The following CPE variants were observed in gnomAD, a reference collection of about 807,000 sequenced individuals.
The protein encoded by CPE is carboxypeptidase E, also known as carbocypeptidase E.
CPE carries 17 observed loss-of-function variants against 53.5 expected under a neutral mutation model. That is an observed-to-expected ratio of 0.32 (90% CI 0.22 to 0.48). The LOEUF (loss-of-function observed/expected upper bound fraction) is 0.48, where lower values mean the gene tolerates loss of function less well. Ranked by LOEUF, CPE falls within the 20% of genes least tolerant of loss-of-function variation. The pLI is 0.99. For missense variants in CPE, 524 were observed against 614.7 expected (o/e 0.85, Z 1.56); for synonymous variants, 226 against 228.8 (o/e 0.99, Z 0.11).
intron 1 of CPE, chr4:165,406,113 C>A (rs1730949052): frequency 1.3e-6 from 1 of 756,728 alleles, no homozygotes; most frequent in Admixed American, 1.7e-5. Context: ...GCCCAGATTT[C>A]ATTCATAACT....
At chr4:165,470,378 A>G (rs1481287943) in intron 3 of CPE, among the ~76,000 whole-genome samples, 1 of 152,098 alleles carries the variant, frequency 6.6e-6, no homozygotes, top group African/African-American at 2.4e-5. Context: ...CTGTATTCAC[A>G]GTGTGTTTAT....
At chr4:165,456,706 G>GGGAC (rs1426030044) in intron 1 of CPE, among the ~76,000 whole-genome samples, 1 of 148,812 alleles carries the variant, frequency 6.7e-6, no homozygotes, top group Non-Finnish European at 1.5e-5. Flanking sequence ...AGGAGTAGCT[G>GGGAC]GGACTACAGG....
intron 1 of CPE, among the ~76,000 whole-genome samples, chr4:165,419,848 C>A (rs999156255): frequency 4.6e-5 from 7 of 152,200 alleles, no homozygotes; most frequent in African/African-American, 1.7e-4. Context: ...AACCAATCAA[C>A]CCAGCCTTTA....
intron 2 of CPE, among the ~76,000 whole-genome samples, chr4:165,465,240 AT>A: frequency 6.6e-6 from 1 of 152,198 alleles, no homozygotes; most frequent in African/African-American, 2.4e-5. Context: ...GTTTAAAATA[AT>A]TTTCTTAGTC....
chr4:165,436,281 G>T (rs1731500711), intron 1 of CPE, among the ~76,000 whole-genome samples: 1 of 151,816 alleles, frequency 6.6e-6, no homozygotes, highest in Non-Finnish European at 1.5e-5. Context: ...CCACTAAATT[G>T]ATTTTACTAC....
intron 1 of CPE, among the ~76,000 whole-genome samples, chr4:165,407,885 A>G (rs1328452486): frequency 2.7e-5 from 4 of 148,352 alleles, no homozygotes; most frequent in Non-Finnish European, 4.5e-5. Context: ...AAAGAGACGG[A>G]GTTCCGCTGT....
At chr4:165,480,120 T>C (rs1732377544) in intron 3 of CPE, among the ~76,000 whole-genome samples, 1 of 152,032 alleles carries the variant, frequency 6.6e-6, no homozygotes, top group South Asian at 2.1e-4. Context: ...TTAATTAAAA[T>C]AATGCAAACT....
chr4:165,382,763 A>G (rs1730523328), intron 1 of CPE, among the ~76,000 whole-genome samples: 1 of 152,184 alleles, frequency 6.6e-6, no homozygotes, highest in Non-Finnish European at 1.5e-5. Flanking sequence ...GAAAGAAGTG[A>G]TCTTTATACA....
chr4:165,479,686 AT>A (rs1230907757), intron 3 of CPE, among the ~76,000 whole-genome samples: 3 of 151,938 alleles, frequency 2.0e-5, no homozygotes, highest in African/African-American at 4.8e-5. Context: ...GTCAGAGCTA[AT>A]TTTTTTTACT....
intron 1 of CPE, among the ~76,000 whole-genome samples, chr4:165,442,261 C>G (rs1731628209): frequency 6.6e-6 from 1 of 151,954 alleles, no homozygotes; most frequent in Non-Finnish European, 1.5e-5. Flanking sequence ...CCAGGCTAGT[C>G]TTGAACTCCT....
chr4:165,387,903 T>G (rs949291124), intron 1 of CPE, among the ~76,000 whole-genome samples: 4 of 152,170 alleles, frequency 2.6e-5, no homozygotes, highest in African/African-American at 9.6e-5. Flanking sequence ...ATTACAGGCA[T>G]GAGCCACTGT....
chr4:165,484,391 G>A, intron 4 of CPE, 31 bp from the exon 5 acceptor site: 1 of 1,600,882 alleles, frequency 6.2e-7, no homozygotes, highest in Non-Finnish European at 8.5e-7. Context: ...GTCTGTGTCT[G>A]TTTCTTTAAT....
In CPE at chr4:165,456,343, C is replaced by T. The variant is rs569915949; in HGVS notation, c.308-8047C>T. On this transcript the variant is annotated intron_variant, in intron 1 of 8. Transcript: ENST00000402744. ...AAAAATTTTCCCTAGGCCCGTTTAC[C>T]GCCACTCCCCCTAAGTTGAATTCAT... Among the ~76,000 whole-genome samples, 8 of 152,116 alleles carry T rather than the reference C, an allele frequency of 5.3e-5. No individual in the cohort carries two copies. The East Asian group carries it at 1.2e-3, about 22-fold the overall frequency.
chr4:165,451,916 GC>G lies in CPE; in HGVS notation c.308-12467del, dbSNP rs368285308. On this transcript the variant is annotated intron_variant, in intron 1 of 8. Coordinates refer to ENST00000402744, the MANE Select transcript of CPE (RefSeq NM_001873.4). ...GTTTGTCTCCCCTAAGCCACGTACC[GC>G]CCCCCCAACCCCCGTTTTTTTTTTC... Among the ~76,000 whole-genome samples, 545 of 150,956 alleles carry G rather than the reference GC, an allele frequency of 3.6e-3. 8 individuals carry two copies. Among genetic ancestry groups the G allele is most frequent in the African/African-American group, 0.012 (496 of 41,084 alleles).
intron 1 of CPE, among the ~76,000 whole-genome samples, chr4:165,395,766 A>G (rs1730753449): frequency 6.6e-6 from 1 of 152,228 alleles, no homozygotes; most frequent in Admixed American, 6.5e-5. Flanking sequence ...CAACCCTCAG[A>G]GAATGCTCAC....
intron 1 of CPE, among the ~76,000 whole-genome samples, chr4:165,407,300 A>T (rs771446375): frequency 9.2e-5 from 14 of 152,004 alleles, no homozygotes; most frequent in Non-Finnish European, 1.8e-4. Flanking sequence ...GTGAAGTGAT[A>T]TTTTGATGTT....
chr4:165,479,572 AG>A (rs966471777), intron 3 of CPE, among the ~76,000 whole-genome samples: 5 of 152,232 alleles, frequency 3.3e-5, no homozygotes, highest in Non-Finnish European at 5.9e-5. Context: ...AAAGATCAAT[AG>A]GTTTGATGTT....
chr4:165,462,303 G>A (rs74961513), intron 1 of CPE, among the ~76,000 whole-genome samples: 1 of 152,188 alleles, frequency 6.6e-6, no homozygotes, highest in Non-Finnish European at 1.5e-5. Flanking sequence ...GTGTGGCTTA[G>A]TGACTATGGG....
intron 1 of CPE, among the ~76,000 whole-genome samples, chr4:165,382,267 A>AGGTC (rs1579235855): frequency 5.3e-5 from 8 of 152,180 alleles, no homozygotes; most frequent in South Asian, 2.1e-4. Context: ...AAAAGACAGG[A>AGGTC]AATGTACAGT....
Sources: allele counts gnomAD v4.1 joint callset (sites outside exome capture counted in the v4.1 genomes callset), GRCh38; gene constraint gnomAD v4.1.1; transcripts MANE v1.5; gene names NCBI Gene and HGNC (gene_info 2026-07-23, HGNC 2026-07-21).